PEAK1: variants seen among roughly 807,000 people sequenced by gnomAD.
PEAK1 encodes pseudopodium enriched atypical kinase 1, also known as inactive tyrosine-protein kinase PEAK1.
In PEAK1, 54 loss-of-function variants were observed where a neutral mutation model predicts 124.7. That is an observed-to-expected ratio of 0.43 (90% CI 0.35 to 0.54). PEAK1 has a LOEUF of 0.54. Ranked by LOEUF, PEAK1 falls within the 20% of genes least tolerant of loss-of-function variation. The probability of loss-of-function intolerance (pLI) is 0.01; values close to 1 mark genes in which losing one functional copy is unlikely to be tolerated. For synonymous variants in PEAK1, 719 were observed against 760.0 expected, an observed-to-expected ratio of 0.95 and a Z score of 0.89; for missense variants, 2,046 against 2,134.5, an observed-to-expected ratio of 0.96 and a Z score of 0.82.
intron 2 of PEAK1, among the ~76,000 whole-genome samples, chr15:77,305,084 AG>A (rs1484927883): frequency 6.6e-6 from 1 of 151,126 alleles, no homozygotes; most frequent in African/African-American, 2.4e-5. Context: ...TTGAGGCTAT[AG>A]TAAGTTGAGA....
intron 9 of PEAK1, among the ~76,000 whole-genome samples, chr15:77,116,983 T>C (rs891565189): frequency 6.6e-6 from 1 of 152,230 alleles, no homozygotes; most frequent in Admixed American, 6.5e-5. Context: ...ATAACATTTG[T>C]TATTTTTGTA....
intron 6 of PEAK1, among the ~76,000 whole-genome samples, chr15:77,238,921 A>G (rs2060240608): frequency 6.6e-6 from 1 of 152,206 alleles, no homozygotes. Context: ...GCAGTATTCC[A>G]GTCCTACACA....
At chr15:77,172,968 G>C (rs2056612817) in intron 7 of PEAK1, among the ~76,000 whole-genome samples, 1 of 152,074 alleles carries the variant, frequency 6.6e-6, no homozygotes, top group Non-Finnish European at 1.5e-5. Flanking sequence ...TACCTAGGCT[G>C]GTCTTGAACT....
chr15:77,164,007 A>C (rs2055886712), intron 7 of PEAK1, among the ~76,000 whole-genome samples: 1 of 152,226 alleles, frequency 6.6e-6, no homozygotes, highest in South Asian at 2.1e-4. Flanking sequence ...ACACATGAAA[A>C]GGAGAGTTCA....
In PEAK1 at chr15:77,386,187, T is replaced by G. The variant is rs534415027; in HGVS notation, c.-665-20962A>C. On this transcript the variant is annotated intron_variant, in intron 1 of 9. Coordinates refer to ENST00000682557, the MANE Select transcript of PEAK1 (RefSeq NM_001385026.1). The stretch of plus-strand genomic sequence containing the variant: ...AAATCTATTTAGTAGGTATTATAAC[T>G]TGTCCAAAGTCACAAAACAAGCAAG... Among the ~76,000 whole-genome samples the G allele has an allele frequency of 9.8e-5, 15 of 152,352 alleles. 1 individual carries two copies. In the South Asian group the frequency reaches 2.9e-3, roughly 29 times the overall value.
At chr15:77,187,900 G>C (rs966807389) in intron 6 of PEAK1, among the ~76,000 whole-genome samples, 2 of 152,042 alleles carry the variant, frequency 1.3e-5, no homozygotes, top group Non-Finnish European at 2.9e-5. Flanking sequence ...TTAAAAAAAA[G>C]GAAAGGAAAA....
chr15:77,348,443 A>G, intron 2 of PEAK1: 1 of 938,140 alleles, frequency 1.1e-6, no homozygotes, highest in Non-Finnish European at 1.3e-6. Context: ...TTTTAAAAAG[A>G]AAAAATAATA....
intron 6 of PEAK1, among the ~76,000 whole-genome samples, chr15:77,249,934 T>G (rs2152923264): frequency 6.6e-6 from 1 of 152,022 alleles, no homozygotes; most frequent in East Asian, 1.9e-4. Context: ...CTTAACACTT[T>G]AATTTCTGCA....
intron 2 of PEAK1, among the ~76,000 whole-genome samples, chr15:77,295,203 T>A (rs2063422531): frequency 6.6e-6 from 1 of 152,146 alleles, no homozygotes; most frequent in Non-Finnish European, 1.5e-5. Flanking sequence ...TAGTCAGAAC[T>A]AGTTCTATAA....
chr15:77,257,806 C>G (rs1212997176), intron 5 of PEAK1, among the ~76,000 whole-genome samples: 1 of 146,388 alleles, frequency 6.8e-6, no homozygotes, highest in South Asian at 2.2e-4. Context: ...CTTGCCTGTG[C>G]CTATGTCCTG....
intron 7 of PEAK1, among the ~76,000 whole-genome samples, chr15:77,171,226 A>G (rs549610028): frequency 6.6e-6 from 1 of 152,328 alleles, no homozygotes; most frequent in South Asian, 2.1e-4. Context: ...TTTTGGTCTC[A>G]GGATTGCTTT....
intron 6 of PEAK1, among the ~76,000 whole-genome samples, chr15:77,246,114 T>A (rs2060572881): frequency 6.9e-6 from 1 of 145,806 alleles, no homozygotes; most frequent in Admixed American, 6.9e-5. Context: ...GTTCAAGCAA[T>A]TATCCTGCCT....
intron 5 of PEAK1, chr15:77,278,754 A>G (rs959798363): frequency 1.4e-5 from 7 of 483,080 alleles, no homozygotes; most frequent in African/African-American, 9.9e-5. Flanking sequence ...TGCATTTTTG[A>G]TAACTGTGTA....
intron 2 of PEAK1, among the ~76,000 whole-genome samples, chr15:77,301,251 C>T (rs986760099): frequency 6.6e-6 from 1 of 152,114 alleles, no homozygotes; most frequent in Non-Finnish European, 1.5e-5. Context: ...GTGGCTATAT[C>T]ATTCTAATCT....
At chr15:77,152,106 CT>C (rs1246018382) in intron 8 of PEAK1, among the ~76,000 whole-genome samples, 2 of 152,144 alleles carry the variant, frequency 1.3e-5, no homozygotes, top group Non-Finnish European at 2.9e-5. Context: ...GATATTGATT[CT>C]TCCCACCTAT....
At chr15:77,168,444 C>T (rs1596446761) in intron 7 of PEAK1, among the ~76,000 whole-genome samples, 1 of 152,108 alleles carries the variant, frequency 6.6e-6, no homozygotes, top group Admixed American at 6.5e-5. Context: ...CTTTGTGGGC[C>T]GTGTGGTCTC....
intron 1 of PEAK1, among the ~76,000 whole-genome samples, chr15:77,414,211 T>TC (rs1204162457): frequency 1.4e-5 from 2 of 141,344 alleles, no homozygotes; most frequent in African/African-American, 5.3e-5. Flanking sequence ...TTCCTTCTTT[T>TC]TTTTTTTTTT....
chr15:77,299,558 C>T (rs752694912), intron 2 of PEAK1, among the ~76,000 whole-genome samples: 20 of 152,300 alleles, frequency 1.3e-4, no homozygotes, highest in Non-Finnish European at 2.2e-4. Flanking sequence ...TGTATTTAAT[C>T]GTCAAGTGTG....
chr15:77,184,411 G>GT (rs1349767363), intron 6 of PEAK1, among the ~76,000 whole-genome samples: 1 of 152,114 alleles, frequency 6.6e-6, no homozygotes, highest in African/African-American at 2.4e-5. Context: ...CAGTTTTGCA[G>GT]TTTCTTATAG....
Sources: gnomAD v4.1 joint callset for allele counts (sites outside exome capture counted in the v4.1 genomes callset) on GRCh38, gnomAD v4.1.1 for gene constraint, MANE v1.5 for transcripts, NCBI Gene and HGNC (gene_info 2026-07-23, HGNC 2026-07-21) for gene names.